The following SCN1A variants were observed in gnomAD, a reference collection of about 807,000 sequenced individuals.
SCN1A encodes the protein sodium channel protein type 1 subunit alpha.
SCN1A carries 13 observed loss-of-function variants against 193.7 expected under a neutral mutation model. That is an observed-to-expected ratio of 0.07 (90% CI 0.04 to 0.11). SCN1A has a LOEUF of 0.11. SCN1A is among the 10% of genes least tolerant of loss of function. SCN1A has a pLI of 1.00. For synonymous variants in SCN1A, 781 were observed against 843.6 expected (o/e 0.93, Z 1.29); for missense variants, 1,432 against 2,451.1 (o/e 0.58, Z 8.78).
intron 1 of SCN1A, among the ~76,000 whole-genome samples, chr2:166,142,453 A>G (rs1372578079): frequency 2.0e-5 from 3 of 152,274 alleles, no homozygotes; most frequent in Admixed American, 2.0e-4. Context: ...CCAAACCCAA[A>G]ACTTTTATAT....
chr2:166,041,972 T>C (rs528934256), intron 15 of SCN1A, among the ~76,000 whole-genome samples: 1 of 152,316 alleles, frequency 6.6e-6, no homozygotes, highest in East Asian at 1.9e-4. Flanking sequence ...GCTGTACTGC[T>C]GAAGTCTTAA....
chr2:166,018,022 A>G (rs1394228421), intron 19 of SCN1A, among the ~76,000 whole-genome samples: 2 of 152,042 alleles, frequency 1.3e-5, no homozygotes, highest in Admixed American at 6.6e-5. Flanking sequence ...GATTCTTTGC[A>G]CATAAGTGTT....
At chr2:166,103,150 T>C (rs1688300874) in intron 2 of SCN1A, among the ~76,000 whole-genome samples, 1 of 151,888 alleles carries the variant, frequency 6.6e-6, no homozygotes, top group South Asian at 2.1e-4. Context: ...TAGCAATATA[T>C]TATAATATTG....
chr2:166,036,730 A>G (rs1482216782), intron 18 of SCN1A, among the ~76,000 whole-genome samples, 200 bp from the exon 19 acceptor site: 1 of 152,186 alleles, frequency 6.6e-6, no homozygotes, highest in Non-Finnish European at 1.5e-5. Flanking sequence ...GGACAAAGAC[A>G]TGATTTCTGT....
intron 25 of SCN1A, 114 bp from the exon 26 acceptor site, chr2:165,998,289 T>G: frequency 1.1e-6 from 1 of 871,650 alleles, no homozygotes; most frequent in African/African-American, 1.7e-5. Flanking sequence ...GTCAGCATTT[T>G]TTTTTTTTCT....
intron 2 of SCN1A, among the ~76,000 whole-genome samples, chr2:166,109,005 C>A (rs765008618): frequency 6.7e-4 from 102 of 152,026 alleles, no homozygotes; most frequent in Non-Finnish European, 1.3e-3. Context: ...AATCAGAATG[C>A]CTTGACAATT....
intron 1 of SCN1A, among the ~76,000 whole-genome samples, chr2:166,136,422 G>GCA (rs1291617932): frequency 8.6e-6 from 1 of 115,982 alleles, no homozygotes; most frequent in African/African-American, 4.1e-5. Flanking sequence ...TCATATATAT[G>GCA]CATATATATA....
At chr2:166,014,592 CA>C (rs3032611) in intron 20 of SCN1A, among the ~76,000 whole-genome samples, 4,163 of 56,530 alleles carry the variant, frequency 0.074, 213 homozygotes, top group African/African-American at 0.16. Flanking sequence ...ATCTGGTTTT[CA>C]AAAAAAAAAA....
At chr2:166,032,204 C>T (rs1384300319) in intron 19 of SCN1A, among the ~76,000 whole-genome samples, 1 of 136,900 alleles carries the variant, frequency 7.3e-6, no homozygotes, top group Non-Finnish European at 1.5e-5. Flanking sequence ...GAAAGTCATA[C>T]ACACACACAC....
intron 19 of SCN1A, among the ~76,000 whole-genome samples, chr2:166,034,854 G>A (rs1043982586): frequency 3.9e-5 from 6 of 152,240 alleles, no homozygotes; most frequent in Non-Finnish European, 8.8e-5. Context: ...ATGCATTGAG[G>A]ACAGGCCATG....
chr2:166,012,003 A>G (rs376300271), intron 22 of SCN1A, 106 bp downstream of exon 22: 19 of 985,512 alleles, frequency 1.9e-5, no homozygotes, highest in South Asian at 9.3e-5. Flanking sequence ...AGTGGTTATT[A>G]TAGTCTGTCA....
At chr2:166,137,153 C>A (rs916911618) in intron 1 of SCN1A, among the ~76,000 whole-genome samples, 2 of 152,148 alleles carry the variant, frequency 1.3e-5, no homozygotes, top group Non-Finnish European at 2.9e-5. Flanking sequence ...TCCAGGTTGG[C>A]AGTTGTGAAG....
intron 2 of SCN1A, among the ~76,000 whole-genome samples, chr2:166,109,789 C>A (rs927207515): frequency 3.7e-4 from 57 of 152,112 alleles, no homozygotes; most frequent in African/African-American, 1.2e-3. Flanking sequence ...TCCCGTCTCT[C>A]TTCCTCTCCT....
At chr2:166,080,506 T>A (rs1156718678) in intron 2 of SCN1A, among the ~76,000 whole-genome samples, 1 of 151,766 alleles carries the variant, frequency 6.6e-6, no homozygotes, top group Admixed American at 6.6e-5. Flanking sequence ...TGAAGGAATT[T>A]TAAAAAATAT....
At chr2:166,085,095 C>T (rs2106042146) in intron 2 of SCN1A, among the ~76,000 whole-genome samples, 1 of 152,300 alleles carries the variant, frequency 6.6e-6, no homozygotes, top group East Asian at 1.9e-4. Context: ...CTATGTCTCC[C>T]TTGCTGGCTT....
chr2:166,091,586 T>C (rs958828634), intron 2 of SCN1A, among the ~76,000 whole-genome samples: 1 of 152,220 alleles, frequency 6.6e-6, no homozygotes, highest in Non-Finnish European at 1.5e-5. Flanking sequence ...AGAGGCTGAC[T>C]GCCTGCTATA....
rs1470740998 is a variant in SCN1A at position 165,996,123 on chromosome 2, G to C, written c.4477-6C>G. The C allele has an allele frequency of 6.4e-7, 1 of 1,561,568 alleles. No homozygotes were observed. The highest frequency in any genetic ancestry group is 8.8e-7 in the Non-Finnish European group (1 of 1,135,186). ...AAGATGTCTTGACCTCCAAAGTATA[G>C]AAAAGAAAAATCAAACTGGTTAAAA... On this transcript the variant is annotated splice_region_variant and splice_polypyrimidine_tract_variant and intron_variant, in intron 26 of 28. Transcript: ENST00000674923.
intron 4 of SCN1A, among the ~76,000 whole-genome samples, chr2:166,064,606 A>AT (rs1434224123): frequency 4.0e-5 from 6 of 151,896 alleles, no homozygotes; most frequent in African/African-American, 1.5e-4. Flanking sequence ...TTTGTTTACA[A>AT]TTTTTTCCCA....
At chr2:166,120,724 C>T (rs1019353065) in intron 2 of SCN1A, among the ~76,000 whole-genome samples, 1 of 148,184 alleles carries the variant, frequency 6.7e-6, no homozygotes, top group Admixed American at 7.0e-5. Flanking sequence ...AGTGACTCTC[C>T]TGGCTCAGCC....
Sources: gnomAD v4.1 joint callset for allele counts (sites outside exome capture counted in the v4.1 genomes callset) on GRCh38, gnomAD v4.1.1 for gene constraint, MANE v1.5 for transcripts, NCBI Gene and HGNC (gene_info 2026-07-23, HGNC 2026-07-21) for gene names.